Variants in ATP8B4 observed in about 807,000 individuals in gnomAD.
ATP8B4 encodes the protein ATPase phospholipid transporting 8B4 (putative), also known as probable phospholipid-transporting ATPase IM.
A neutral mutation model predicts 145.6 loss-of-function variants in ATP8B4; 133 were observed. The observed-to-expected ratio is 0.91, with a 90% CI of 0.79 to 1.05. ATP8B4 has a LOEUF of 1.05. Ranked by LOEUF, ATP8B4 falls within the 50% of genes least tolerant of loss-of-function variation. The pLI is 0.00. For missense variants in ATP8B4, 1,458 were observed against 1,425.2 expected (o/e 1.02, Z -0.37); for synonymous variants, 507 against 492.9 (o/e 1.03, Z -0.38).
At chr15:50,083,925 G>A (rs2054724272) in intron 2 of ATP8B4, among the ~76,000 whole-genome samples, 2 of 152,202 alleles carry the variant, frequency 1.3e-5, no homozygotes, top group African/African-American at 4.8e-5. Context: ...TGCCTTCAAA[G>A]TGTTTTCATG....
At chr15:50,096,501 C>T (rs769483384) in intron 2 of ATP8B4, among the ~76,000 whole-genome samples, 9 of 152,134 alleles carry the variant, frequency 5.9e-5, no homozygotes, top group African/African-American at 9.7e-5. Context: ...CTCTGCACTA[C>T]GACTATGGGA....
At chr15:49,915,093 TGTG>T (rs1260844189) in intron 20 of ATP8B4, among the ~76,000 whole-genome samples, 2 of 151,934 alleles carry the variant, frequency 1.3e-5, no homozygotes, top group African/African-American at 4.8e-5. Context: ...ATAAAGAAAA[TGTG>T]GTGTATACAC....
intron 14 of ATP8B4, among the ~76,000 whole-genome samples, chr15:49,945,623 T>G (rs977953810): frequency 6.6e-6 from 1 of 152,034 alleles, no homozygotes; most frequent in Non-Finnish European, 1.5e-5. Context: ...ACTAGTAAAT[T>G]GAATCACATT....
chr15:49,961,772 C>G (rs1599452835), intron 14 of ATP8B4, among the ~76,000 whole-genome samples: 1 of 151,834 alleles, frequency 6.6e-6, no homozygotes, highest in Admixed American at 6.6e-5. Context: ...ATAAATATCT[C>G]AAGAATAAAA....
chr15:50,078,332 C>A (rs1033011011), intron 2 of ATP8B4, among the ~76,000 whole-genome samples: 2 of 151,812 alleles, frequency 1.3e-5, no homozygotes, highest in African/African-American at 4.8e-5. Context: ...AAGCATGAGC[C>A]ACCATACCCA....
intron 6 of ATP8B4, among the ~76,000 whole-genome samples, chr15:50,031,379 G>T (rs8030284): frequency 1.3e-5 from 2 of 151,898 alleles, no homozygotes; most frequent in Admixed American, 6.6e-5. Context: ...AAAAGACTCC[G>T]GTAGTTGGTC....
At chr15:50,085,833 G>T (rs1600271040) in intron 2 of ATP8B4, among the ~76,000 whole-genome samples, 1 of 110,166 alleles carries the variant, frequency 9.1e-6, no homozygotes, top group African/African-American at 3.6e-5. Context: ...TAATATATAT[G>T]ATATAGATTA....
intron 2 of ATP8B4, among the ~76,000 whole-genome samples, chr15:50,104,161 C>G (rs925509442): frequency 6.6e-6 from 1 of 152,134 alleles, no homozygotes; most frequent in Non-Finnish European, 1.5e-5. Flanking sequence ...CCCTTCTAGA[C>G]ACTGGCTTAC....
chr15:49,982,782 C>A (rs571034640), intron 10 of ATP8B4, among the ~76,000 whole-genome samples: 1 of 152,230 alleles, frequency 6.6e-6, no homozygotes, highest in South Asian at 2.1e-4. Context: ...TCAACAGCCT[C>A]CGTTTTCTTA....
At chr15:49,998,816 T>C (rs955353348) in intron 8 of ATP8B4, among the ~76,000 whole-genome samples, 2 of 134,228 alleles carry the variant, frequency 1.5e-5, no homozygotes, top group African/African-American at 5.6e-5. Flanking sequence ...TCCTTGCCCA[T>C]GCCTATGTCC....
chr15:49,901,631 A>C (rs2153433039), intron 20 of ATP8B4, among the ~76,000 whole-genome samples: 1 of 152,310 alleles, frequency 6.6e-6, no homozygotes, highest in Admixed American at 6.5e-5. Flanking sequence ...AAGACTAAAG[A>C]CAATTGATGA....
intron 2 of ATP8B4, among the ~76,000 whole-genome samples, chr15:50,078,339 C>A (rs576916366): frequency 6.6e-6 from 1 of 151,798 alleles, no homozygotes; most frequent in South Asian, 2.1e-4. Context: ...AGCCACCATA[C>A]CCAGCACCTC....
At chr15:49,884,316 C>A (rs922777666) in intron 23 of ATP8B4, among the ~76,000 whole-genome samples, 2 of 151,974 alleles carry the variant, frequency 1.3e-5, no homozygotes, top group Non-Finnish European at 2.9e-5. Context: ...TGGAAAGCTT[C>A]CTTGGCCTGG....
chr15:50,074,189 AAGAG>A lies in ATP8B4; in HGVS notation c.29-8_29-5del, dbSNP rs780938738. The A allele has an allele frequency of 3.7e-6, 6 of 1,607,538 alleles. No individual in the cohort carries two copies. The highest frequency in any genetic ancestry group is 5.1e-6 in the Non-Finnish European group (6 of 1,176,400). On this transcript the variant is annotated splice_region_variant and splice_polypyrimidine_tract_variant and intron_variant, in intron 2 of 27. Coordinates refer to ENST00000284509, the MANE Select transcript of ATP8B4 (RefSeq NM_024837.4). ...GCTTTCACTATCCGTTCCACTTCTA[AAGAG>A]AGAGAAATCAAGTATGAAATTAAAT... is the stretch of plus-strand genomic sequence containing the variant.
chr15:50,003,274 A>ATGTGTATGTG (rs2048043772), intron 7 of ATP8B4, among the ~76,000 whole-genome samples: 1 of 141,088 alleles, frequency 7.1e-6, no homozygotes, highest in Non-Finnish European at 1.5e-5. Flanking sequence ...TAGGGTGTGC[A>ATGTGTATGTG]TGTGTGTGTG....
chr15:50,164,262 C>G (rs1289977002), intron 1 of ATP8B4, among the ~76,000 whole-genome samples: 1 of 152,256 alleles, frequency 6.6e-6, no homozygotes, highest in African/African-American at 2.4e-5. Context: ...CAACATATTT[C>G]TGAGTCTCAC....
intron 2 of ATP8B4, among the ~76,000 whole-genome samples, chr15:50,085,937 T>TGA (rs1567331077): frequency 7.0e-5 from 5 of 71,676 alleles, no homozygotes; most frequent in African/African-American, 4.0e-4. Context: ...TCATATATAT[T>TGA]TATATATGAT....
chr15:50,135,137 C>G (rs892643680), intron 1 of ATP8B4, among the ~76,000 whole-genome samples: 2 of 152,150 alleles, frequency 1.3e-5, no homozygotes, highest in African/African-American at 4.8e-5. Context: ...GTCCCCAGTC[C>G]TTTAGTCCTT....
At chr15:49,920,490 G>T (rs2040161740) in intron 17 of ATP8B4, 80 bp from the exon 18 acceptor site, 3 of 1,429,814 alleles carry the variant, frequency 2.1e-6, no homozygotes, top group Non-Finnish European at 2.8e-6. Flanking sequence ...TAATTGGTGA[G>T]AAATTTTTCA....
Sources: gnomAD v4.1 joint callset for allele counts (sites outside exome capture counted in the v4.1 genomes callset) on GRCh38, gnomAD v4.1.1 for gene constraint, MANE v1.5 for transcripts, NCBI Gene and HGNC (gene_info 2026-07-23, HGNC 2026-07-21) for gene names.